BRINP3: variants seen among roughly 807,000 people sequenced by gnomAD.
BRINP3 encodes BMP/retinoic acid inducible neural specific 3.
In BRINP3, 19 loss-of-function variants were observed where a neutral mutation model predicts 71.0. The ratio of observed to expected loss-of-function variants is 0.27; its 90% CI spans 0.19 to 0.39. The LOEUF is 0.39. Among genes scored for constraint, BRINP3 ranks in the 10% least tolerant of loss-of-function variants. BRINP3 has a pLI of 1.00. For missense variants in BRINP3, 959 were observed against 940.8 expected (o/e 1.02, Z -0.25); for synonymous variants, 380 against 337.7 (o/e 1.13, Z -1.37).
intron 4 of BRINP3, among the ~76,000 whole-genome samples, chr1:190,245,873 G>A (rs980094005): frequency 6.6e-6 from 1 of 151,162 alleles, no homozygotes; most frequent in East Asian, 2.0e-4. Flanking sequence ...TTGTCCTTGC[G>A]ATAGTTTGCT....
At chr1:190,186,974 A>C (rs551011110) in intron 6 of BRINP3, among the ~76,000 whole-genome samples, 1 of 152,294 alleles carries the variant, frequency 6.6e-6, no homozygotes, top group Admixed American at 6.5e-5. Context: ...ACAAATAATT[A>C]ACCAGTATTA....
intron 6 of BRINP3, among the ~76,000 whole-genome samples, chr1:190,162,173 G>T (rs77238228): frequency 5.3e-5 from 8 of 151,458 alleles, no homozygotes; most frequent in African/African-American, 1.7e-4. Context: ...TTTTAAGTAA[G>T]CAGAGTTTAA....
chr1:190,194,828 T>C (rs1402911700), intron 6 of BRINP3, among the ~76,000 whole-genome samples: 1 of 152,034 alleles, frequency 6.6e-6, no homozygotes, highest in Non-Finnish European at 1.5e-5. Flanking sequence ...CTAGAAGTAG[T>C]AGTAGCTAAC....
intron 2 of BRINP3, among the ~76,000 whole-genome samples, chr1:190,311,526 G>A: frequency 6.6e-6 from 1 of 151,496 alleles, no homozygotes; most frequent in East Asian, 1.9e-4. Context: ...AATGATATGG[G>A]TTTGAGGATT....
intron 2 of BRINP3, among the ~76,000 whole-genome samples, chr1:190,320,000 G>C (rs1666131192): frequency 6.6e-6 from 1 of 151,922 alleles, no homozygotes; most frequent in Non-Finnish European, 1.5e-5. Flanking sequence ...TTTAAATTTT[G>C]ATCTTTGTGA....
At chr1:190,117,586 A>C (rs948217346) in intron 7 of BRINP3, among the ~76,000 whole-genome samples, 2 of 152,154 alleles carry the variant, frequency 1.3e-5, no homozygotes, top group Admixed American at 6.6e-5. Flanking sequence ...AGCATCTCCC[A>C]GATCTCAAGT....
Position 190,331,899 on chromosome 1 carries a change from C to T in BRINP3, c.237-50149G>A, listed in dbSNP as rs1259140312. The stretch of plus-strand genomic sequence containing the variant: ...TATAGACATGTTGATGGCAGAAATT[C>T]CCATAATCTCAAGGAAATTCATTTT... On this transcript the variant is annotated intron_variant, in intron 2 of 7. Transcript: ENST00000367462. Among the ~76,000 whole-genome samples, 3 of 151,912 alleles carry T rather than the reference C, an allele frequency of 2.0e-5. 1 individual carries two copies. Among genetic ancestry groups the T allele is most frequent in the African/African-American group, 7.2e-5 (3 of 41,396 alleles).
chr1:190,282,868 G>A (rs893865326), intron 2 of BRINP3, among the ~76,000 whole-genome samples: 1 of 151,998 alleles, frequency 6.6e-6, no homozygotes, highest in Non-Finnish European at 1.5e-5. Flanking sequence ...ACTATATGAA[G>A]TGTGGCCATA....
chr1:190,153,782 G>T (rs1656626600), intron 7 of BRINP3, among the ~76,000 whole-genome samples: 1 of 152,152 alleles, frequency 6.6e-6, no homozygotes, highest in African/African-American at 2.4e-5. Flanking sequence ...GATCCCTTGA[G>T]CTCAGGATGT....
At chr1:190,172,920 T>A (rs912224340) in intron 6 of BRINP3, among the ~76,000 whole-genome samples, 11 of 152,166 alleles carry the variant, frequency 7.2e-5, no homozygotes, top group African/African-American at 2.7e-4. Context: ...GCCAGATGCA[T>A]GCAACCTCTC....
At chr1:190,210,717 T>C (rs1430257366) in intron 6 of BRINP3, among the ~76,000 whole-genome samples, 3 of 152,056 alleles carry the variant, frequency 2.0e-5, no homozygotes, top group Non-Finnish European at 4.4e-5. Context: ...TAATACTGAT[T>C]GTCAACTTGA....
intron 2 of BRINP3, among the ~76,000 whole-genome samples, chr1:190,300,047 G>T (rs1664559841): frequency 6.6e-6 from 1 of 151,976 alleles, no homozygotes. Flanking sequence ...CCCTTCTCGA[G>T]GAGTATCTTT....
At chr1:190,186,344 G>A (rs1262979892) in intron 6 of BRINP3, among the ~76,000 whole-genome samples, 1 of 152,034 alleles carries the variant, frequency 6.6e-6, no homozygotes, top group Non-Finnish European at 1.5e-5. Flanking sequence ...TCCAGCCAGG[G>A]CAACGAGAGT....
At chr1:190,159,924 A>G (rs1251925661) in intron 7 of BRINP3, among the ~76,000 whole-genome samples, 2 of 152,104 alleles carry the variant, frequency 1.3e-5, no homozygotes, top group Admixed American at 6.6e-5. Context: ...CTATAATCAC[A>G]GAGTTCTCAT....
At position 190,098,301 on chromosome 1, in the gene BRINP3, A is replaced by T; in HGVS notation, c.2018T>A (p.Met673Lys). The change falls in exon 8 of 8, where the codon ATG becomes AAG. Residue 673 changes from methionine to lysine, a missense_variant. Met to Lys is a moderately conservative substitution (Grantham distance 95). Coordinates refer to ENST00000367462, the MANE Select transcript of BRINP3 (RefSeq NM_199051.3). ...CCGAATTGCTTCAGGGTCAAAGTGC[A>T]TGCTGTAGCCAAACACTTGAATGTT... Reference protein sequence around the residue: ...INNIQVFGYSMHFDPEAIRDL... With the variant: ...INNIQVFGYSKHFDPEAIRDL... 1.2e-6 allele frequency: 2 copies of T among 1,614,226 alleles called. No homozygotes were observed. Among genetic ancestry groups the T allele is most frequent in the Non-Finnish European group, 1.7e-6 (2 of 1,180,046 alleles).
chr1:190,341,085 G>C (rs1667625977), intron 2 of BRINP3, among the ~76,000 whole-genome samples: 1 of 151,812 alleles, frequency 6.6e-6, no homozygotes, highest in South Asian at 2.1e-4. Context: ...CTATGCTCCA[G>C]TAGTTTAAGA....
intron 6 of BRINP3, among the ~76,000 whole-genome samples, chr1:190,199,771 G>GAAAAAAAAAAAAAAAAAAAAAA (rs35752025): frequency 1.6e-5 from 2 of 123,516 alleles, no homozygotes; most frequent in African/African-American, 5.9e-5. Flanking sequence ...CAAGGCATAG[G>GAAAAAAAAAAAAAAAAAAAAAA]AAAAAAAAAA....
At chr1:190,250,440 C>T (rs548013494) in intron 4 of BRINP3, among the ~76,000 whole-genome samples, 21 of 152,002 alleles carry the variant, frequency 1.4e-4, no homozygotes, top group African/African-American at 5.1e-4. Context: ...TTTTTAAACT[C>T]ATTTTTACTC....
At chr1:190,192,713 G>GA (rs74368069) in intron 6 of BRINP3, among the ~76,000 whole-genome samples, 12,079 of 151,596 alleles carry the variant, frequency 0.08, 563 homozygotes, top group East Asian at 0.11. Context: ...CTAGATGCAA[G>GA]AAAAAAATAT....
Sources: gnomAD v4.1 joint callset for allele counts (sites outside exome capture counted in the v4.1 genomes callset) on GRCh38, gnomAD v4.1.1 for gene constraint, MANE v1.5 for transcripts, NCBI Gene and HGNC (gene_info 2026-07-23, HGNC 2026-07-21) for gene names.